GPATCH8: variants seen among roughly 807,000 people sequenced by gnomAD.
GPATCH8 encodes the protein G patch domain-containing protein 8.
A neutral mutation model predicts 118.3 loss-of-function variants in GPATCH8; 18 were observed. The observed-to-expected ratio is 0.15, with a 90% CI of 0.11 to 0.23. GPATCH8 has a LOEUF of 0.23. Ranked by LOEUF, GPATCH8 falls within the 10% of genes least tolerant of loss-of-function variation. The pLI is 1.00. For synonymous variants in GPATCH8, 659 were observed against 684.7 expected (o/e 0.96, Z 0.59); for missense variants, 1,631 against 1,873.8 (o/e 0.87, Z 2.39).
chr17:44,467,622 G>A (rs950759808), intron 2 of GPATCH8, among the ~76,000 whole-genome samples: 8 of 152,018 alleles, frequency 5.3e-5, no homozygotes, highest in African/African-American at 1.7e-4. Flanking sequence ...AACCTCCTAG[G>A]GTAAATGAAT....
At position 44,461,901 on chromosome 17, in the gene GPATCH8, T is replaced by C. The variant is rs532224867; in HGVS notation, c.193+2571A>G. Among the ~76,000 whole-genome samples, 9 of 152,026 alleles carry C rather than the reference T, an allele frequency of 5.9e-5. No homozygotes were observed. In the South Asian group the frequency reaches 1.9e-3, roughly 32 times the overall value. On this transcript the variant is annotated intron_variant, in intron 3 of 7. Coordinates refer to ENST00000591680, the MANE Select transcript of GPATCH8 (RefSeq NM_001002909.4). The stretch of plus-strand genomic sequence containing the variant: ...TAGGGGGAGATAGAGATGGGGTCTA[T>C]GTTGCCTAGGCTGGTCTCAAACTCC...
chr17:44,490,593 C>T (rs568651539), intron 1 of GPATCH8, among the ~76,000 whole-genome samples: 2 of 151,054 alleles, frequency 1.3e-5, no homozygotes, highest in Middle Eastern at 3.4e-3. Context: ...TATAGTTTTT[C>T]ATTTATGCTG....
rs572356546 is a variant in GPATCH8, at chr17:44,461,980, A to G, written c.193+2492T>C. ...CTCCCAAAGTGCTGAGGTTACAGGCATAAGCCACAGCACCCTGCCTAAAAT... is the reference window on the plus strand; with the variant it reads ...CTCCCAAAGTGCTGAGGTTACAGGCGTAAGCCACAGCACCCTGCCTAAAAT... On this transcript the variant is annotated intron_variant, in intron 3 of 7. Transcript: ENST00000591680. 5.3e-5 allele frequency among the ~76,000 whole-genome samples: 8 copies of G among 152,286 alleles called. No individual in the cohort carries two copies. The South Asian group carries it at 1.2e-3, about 24-fold the overall frequency.
At chr17:44,468,352 G>C (rs184482166) in intron 2 of GPATCH8, among the ~76,000 whole-genome samples, 1 of 142,336 alleles carries the variant, frequency 7.0e-6, no homozygotes, top group East Asian at 2.2e-4. Context: ...CAAGGGCAAT[G>C]AACATTAAAT....
At chr17:44,448,478 A>T (rs1334778448) in intron 3 of GPATCH8, among the ~76,000 whole-genome samples, 1 of 118,202 alleles carries the variant, frequency 8.5e-6, no homozygotes, top group Non-Finnish European at 1.7e-5. Context: ...AGGTGGGAGG[A>T]TCACGTGAGC....
chr17:44,503,270 G>C, intron 1 of GPATCH8, 56 bp downstream of exon 1: 1 of 1,457,046 alleles, frequency 6.9e-7, no homozygotes. Flanking sequence ...GGAGATGAAG[G>C]AGGTTCTGGG....
At chr17:44,478,949 G>A (rs531992431) in intron 1 of GPATCH8, among the ~76,000 whole-genome samples, 4 of 152,086 alleles carry the variant, frequency 2.6e-5, no homozygotes, top group African/African-American at 9.7e-5. Context: ...GGGCTCAAGT[G>A]ATCCTCCTGC....
rs745490235 is a variant in GPATCH8, at chr17:44,399,625, C to T, written c.2452G>A (p.Glu818Lys). The change falls in exon 8 of 8, where the codon GAG (glutamate) becomes AAG (lysine). Residue 818 changes from glutamate (E) to lysine (K), a missense_variant. Glu to Lys is a moderately conservative substitution (Grantham distance 56). Coordinates refer to ENST00000591680, the MANE Select transcript of GPATCH8 (RefSeq NM_001002909.4). ...SHRSQPSSGDEDSDDASSHRL... is the reference protein window; with the variant it reads ...SHRSQPSSGDKDSDDASSHRL... ...TGTGAGGAAGCATCATCACTATCCT[C>T]ATCTCCACTACTGGGTTGGCTCCGA... is the stretch of plus-strand genomic sequence containing the variant. 1.1e-5 allele frequency: 17 copies of T among 1,614,228 alleles called. No individual in the cohort carries two copies. Among genetic ancestry groups the T allele is most frequent in the Non-Finnish European group, 1.3e-5 (15 of 1,180,038 alleles).
chr17:44,497,395 G>T (rs1480018176), intron 1 of GPATCH8, among the ~76,000 whole-genome samples: 1 of 151,874 alleles, frequency 6.6e-6, no homozygotes, highest in Non-Finnish European at 1.5e-5. Flanking sequence ...TTTGAGACCA[G>T]CCTGGGCAAC....
At chr17:44,501,832 T>G (rs1970089864) in intron 1 of GPATCH8, among the ~76,000 whole-genome samples, 1 of 152,154 alleles carries the variant, frequency 6.6e-6, no homozygotes, top group South Asian at 2.1e-4. Flanking sequence ...TTTGCGGGCT[T>G]TAGTTATCAG....
chr17:44,419,920 G>C (rs1488522633), intron 6 of GPATCH8, among the ~76,000 whole-genome samples: 3 of 152,048 alleles, frequency 2.0e-5, no homozygotes, highest in African/African-American at 7.2e-5. Context: ...ATTCTGTTTT[G>C]AGATCCTACT....
At chr17:44,422,567 G>T (rs546982780) in intron 6 of GPATCH8, among the ~76,000 whole-genome samples, 142 of 151,724 alleles carry the variant, frequency 9.4e-4, no homozygotes, top group African/African-American at 3.1e-3. Context: ...TCGGCTCACT[G>T]CAAGCTCCGC....
chr17:44,448,946 T>C (rs2051009093), intron 3 of GPATCH8, among the ~76,000 whole-genome samples: 1 of 152,194 alleles, frequency 6.6e-6, no homozygotes. Context: ...ATCCATTCTA[T>C]TTGCATTAAA....
At position 44,398,805 on chromosome 17, in the gene GPATCH8, T is replaced by G. The variant is rs758149385; in HGVS notation, c.3272A>C (p.Lys1091Thr). The G allele has an allele frequency of 4.3e-6, 7 of 1,614,044 alleles. No homozygotes were observed. In the South Asian group the frequency reaches 6.6e-5, roughly 15 times the overall value. Residue 1091 changes from lysine (K) to threonine (T), a missense_variant, in exon 8 of 8, where the codon AAA (lysine) becomes ACA (threonine). By Grantham distance (78) the Lys-to-Thr change is moderately conservative (BLOSUM62 -1). Transcript: ENST00000591680. ...TGACTGGATCTTCTCCAGTAGCAGT[T>G]TGGCAGTGACAGAGTTCTTGTCTTC... ...SPEDKNSVTAKLLLEKIQSRK... is the reference protein window; with the variant it reads ...SPEDKNSVTATLLLEKIQSRK...
intron 1 of GPATCH8, among the ~76,000 whole-genome samples, chr17:44,488,965 A>C (rs1969014273): frequency 6.6e-6 from 1 of 151,402 alleles, no homozygotes; most frequent in Non-Finnish European, 1.5e-5. Flanking sequence ...GGGTGCCTGT[A>C]ATCAAACTGC....
intron 3 of GPATCH8, among the ~76,000 whole-genome samples, chr17:44,439,517 G>C (rs2050617576): frequency 6.6e-6 from 1 of 152,124 alleles, no homozygotes; most frequent in African/African-American, 2.4e-5. Context: ...CCTGGGCCAA[G>C]TAGTAATTTC....
Position 44,405,911 on chromosome 17 carries a change from A to G in GPATCH8, c.623+10T>C. 1.3e-6 allele frequency: 2 copies of G among 1,595,400 alleles called. No homozygotes were observed. The highest frequency in any genetic ancestry group is 1.3e-5 in the African/African-American group (1 of 74,712). ...TATCTGTACAACCCTCTGATAAAAAATATCCTCACCATTCAGCTTGTTTTC... is the reference window on the plus strand; with the variant it reads ...TATCTGTACAACCCTCTGATAAAAAGTATCCTCACCATTCAGCTTGTTTTC... On this transcript the variant is annotated intron_variant, in intron 7 of 7. Transcript: ENST00000591680.
rs1567919123 is a variant in GPATCH8, at chr17:44,397,669, G to A, written c.4408C>T (p.Arg1470Trp). ...GCAGTGGCAGCTGCTGCAGCAGGCC[G>A]TGGAGCAAGTAGGGTGGGGTAGAGG... Reference protein sequence around the residue: ...AALYPTLLAPRPAAAAATALH... With the variant: ...AALYPTLLAPWPAAAAATALH... The change falls in exon 8 of 8, where the codon CGG becomes TGG. Residue 1470 changes from arginine to tryptophan, a missense_variant. Physicochemically the swap from Arg to Trp is moderately radical, Grantham distance 101. Coordinates refer to ENST00000591680, the MANE Select transcript of GPATCH8 (RefSeq NM_001002909.4). The A allele has an allele frequency of 1.2e-6, 2 of 1,612,762 alleles. No homozygotes were observed. Among genetic ancestry groups the A allele is most frequent in the Non-Finnish European group, 1.7e-6 (2 of 1,178,978 alleles).
chr17:44,472,099 CAAATAA>C lies in GPATCH8; in HGVS notation c.120+2724_120+2729del, dbSNP rs1451023960. On this transcript the variant is annotated intron_variant, in intron 2 of 7. Transcript: ENST00000591680. ...TCCTACAACCTAAACTATCTCATCACAAATAATGCATATATTTATCTTTCAGAAGTA... is the reference window on the plus strand; with the variant it reads ...TCCTACAACCTAAACTATCTCATCACTGCATATATTTATCTTTCAGAAGTA... Among the ~76,000 whole-genome samples the C allele has an allele frequency of 2.0e-5, 3 of 151,774 alleles. No individual in the cohort carries two copies. In the East Asian group the frequency reaches 5.8e-4, roughly 29 times the overall value.
Sources: allele counts gnomAD v4.1 joint callset (sites outside exome capture counted in the v4.1 genomes callset), GRCh38; gene constraint gnomAD v4.1.1; transcripts MANE v1.5; gene names NCBI Gene and HGNC (gene_info 2026-07-23, HGNC 2026-07-21).